The following SPATS2L variants were observed in gnomAD, a reference collection of about 807,000 sequenced individuals.
The protein encoded by SPATS2L is spermatogenesis associated serine rich 2 like.
A neutral mutation model predicts 59.6 loss-of-function variants in SPATS2L; 30 were observed. The ratio of observed to expected loss-of-function variants is 0.50; its 90% CI spans 0.38 to 0.68. The LOEUF is 0.68. Ranked by LOEUF, SPATS2L falls within the 30% of genes least tolerant of loss-of-function variation. The pLI is 0.00. For missense variants in SPATS2L, 615 were observed against 700.0 expected (o/e 0.88, Z 1.37); for synonymous variants, 252 against 263.5 (o/e 0.96, Z 0.42).
At chr2:200,377,720 T>C (rs2081648032) in intron 2 of SPATS2L, among the ~76,000 whole-genome samples, 1 of 152,210 alleles carries the variant, frequency 6.6e-6, no homozygotes, top group Admixed American at 6.5e-5. Flanking sequence ...ACATGCCCCT[T>C]AATAAAATGT....
At chr2:200,407,745 C>G (rs1179654577) in intron 3 of SPATS2L, among the ~76,000 whole-genome samples, 2 of 152,176 alleles carry the variant, frequency 1.3e-5, no homozygotes. Flanking sequence ...TATATGTTCT[C>G]CCTACCCATA....
At chr2:200,320,227 A>G (rs1177171406) in intron 1 of SPATS2L, among the ~76,000 whole-genome samples, 5 of 152,220 alleles carry the variant, frequency 3.3e-5, no homozygotes, top group African/African-American at 1.2e-4. Flanking sequence ...ATTGCCACAC[A>G]GTAGAACTCT....
intron 10 of SPATS2L, among the ~76,000 whole-genome samples, chr2:200,467,876 C>A (rs1559159873): frequency 6.6e-6 from 1 of 151,964 alleles, no homozygotes; most frequent in East Asian, 1.9e-4. Context: ...AGAATACTAC[C>A]CATAAATACG....
chr2:200,313,105 C>A (rs1342361699), intron 1 of SPATS2L, among the ~76,000 whole-genome samples: 1 of 152,180 alleles, frequency 6.6e-6, no homozygotes, highest in Non-Finnish European at 1.5e-5. Context: ...CCTGCTTTTT[C>A]TTATACCACC....
At chr2:200,366,067 A>G (rs2081259564) in intron 2 of SPATS2L, among the ~76,000 whole-genome samples, 1 of 152,180 alleles carries the variant, frequency 6.6e-6, no homozygotes, top group African/African-American at 2.4e-5. Context: ...CAGTTTCCTC[A>G]TTTATAAAAA....
At chr2:200,368,156 G>A (rs1160982314) in intron 2 of SPATS2L, among the ~76,000 whole-genome samples, 1 of 152,170 alleles carries the variant, frequency 6.6e-6, no homozygotes, top group Non-Finnish European at 1.5e-5. Context: ...TCTCAGGGAG[G>A]CAGAGGTGTG....
At chr2:200,461,077 G>A (rs1440009680) in intron 9 of SPATS2L, 6 of 152,142 alleles carry the variant, frequency 3.9e-5, no homozygotes, top group Non-Finnish European at 8.8e-5. Context: ...CTCCCAAAGT[G>A]CTGGGATTAT....
chr2:200,444,055 C>T (rs1324938349), intron 8 of SPATS2L, among the ~76,000 whole-genome samples: 1 of 152,214 alleles, frequency 6.6e-6, no homozygotes, highest in Non-Finnish European at 1.5e-5. Context: ...ATACAATGCT[C>T]TCACAATGCA....
rs540432340 is a variant in SPATS2L at position 200,387,993 on chromosome 2, A to C, written c.-22-1230A>C. On this transcript the variant is annotated intron_variant, in intron 2 of 12. Transcript: ENST00000409140. ...CTTCTCAGAGGGGGCCACTTTACAA[A>C]GAGATTGGACACCAAAGGCAGAAAA... Among the ~76,000 whole-genome samples the C allele has an allele frequency of 2.4e-4, 37 of 152,320 alleles. 1 individual carries two copies. The highest frequency in any genetic ancestry group is 8.4e-4 in the African/African-American group (35 of 41,586).
At chr2:200,356,199 A>G (rs563488720) in intron 2 of SPATS2L, among the ~76,000 whole-genome samples, 1 of 152,232 alleles carries the variant, frequency 6.6e-6, no homozygotes, top group Non-Finnish European at 1.5e-5. Flanking sequence ...AGTCAGGCTC[A>G]TTATTCATAT....
chr2:200,306,609 A>T, upstream of SPATS2L: 2 of 993,868 alleles, frequency 2.0e-6, no homozygotes, highest in Non-Finnish European at 2.4e-6. Context: ...CTGGTGAGTG[A>T]CACCGAGGGG....
At chr2:200,371,005 A>C (rs2081409442) in intron 2 of SPATS2L, among the ~76,000 whole-genome samples, 1 of 152,192 alleles carries the variant, frequency 6.6e-6, no homozygotes, top group African/African-American at 2.4e-5. Context: ...TCAACTGCCA[A>C]AGTAAAGATT....
Position 200,479,968 on chromosome 2 carries a change from G to C in SPATS2L, c.*1937G>C. 2.6e-6 allele frequency: 1 copy of C among 381,662 alleles called. No homozygotes were observed. Among genetic ancestry groups the C allele is most frequent in the Non-Finnish European group, 4.6e-6 (1 of 216,144 alleles). The allele number at this position is 381,662 out of a possible 1,614,324, so 23.6% of individuals were successfully genotyped here. A position where few individuals can be genotyped will look rare whatever the true frequency, so the allele number is the denominator to read the frequency against. On this transcript the variant is annotated 3_prime_UTR_variant, in exon 13 of 13. Coordinates refer to ENST00000409140, the MANE Select transcript of SPATS2L (RefSeq NM_001100423.2). ...GTTCAAATAAGAAAGATAAATGTTC[G>C]GCACTGTAGGCCCTGTTTACCCCAT... is the stretch of plus-strand genomic sequence containing the variant.
chr2:200,416,064 A>G (rs781068427), intron 4 of SPATS2L, among the ~76,000 whole-genome samples: 1 of 152,196 alleles, frequency 6.6e-6, no homozygotes. Context: ...TTTTAATTCT[A>G]CTTATGGCAA....
chr2:200,447,512 C>G (rs2085129070), intron 8 of SPATS2L, among the ~76,000 whole-genome samples: 2 of 152,152 alleles, frequency 1.3e-5, no homozygotes, highest in South Asian at 4.1e-4. Context: ...TTAGGCGAAA[C>G]AGGTCCTAGA....
At chr2:200,351,924 A>G (rs1253452981) in intron 2 of SPATS2L, among the ~76,000 whole-genome samples, 2 of 152,174 alleles carry the variant, frequency 1.3e-5, no homozygotes, top group East Asian at 3.9e-4. Flanking sequence ...TGTTCAGTTA[A>G]TGGTTGCTTT....
At chr2:200,403,338 T>G (rs2082592014) in intron 3 of SPATS2L, among the ~76,000 whole-genome samples, 2 of 152,216 alleles carry the variant, frequency 1.3e-5, no homozygotes, top group South Asian at 4.1e-4. Flanking sequence ...TATGAAAAAT[T>G]GCAGAAGAGC....
At chr2:200,469,200 A>G (rs755236371) in intron 10 of SPATS2L, among the ~76,000 whole-genome samples, 1 of 152,150 alleles carries the variant, frequency 6.6e-6, no homozygotes, top group Non-Finnish European at 1.5e-5. Flanking sequence ...CTCTTTCCCC[A>G]TTGCCCTCAG....
At chr2:200,389,793 C>T (rs763988082) in intron 3 of SPATS2L, 1 of 152,968 alleles carries the variant, frequency 6.5e-6, no homozygotes, top group Non-Finnish European at 1.5e-5. Flanking sequence ...GCTGAGAGTT[C>T]ATGACTCTGA....
Sources: gnomAD v4.1 joint callset for allele counts (sites outside exome capture counted in the v4.1 genomes callset) on GRCh38, gnomAD v4.1.1 for gene constraint, MANE v1.5 for transcripts, NCBI Gene and HGNC (gene_info 2026-07-23, HGNC 2026-07-21) for gene names.